ZNF560: variants seen among roughly 807,000 people sequenced by gnomAD.
ZNF560 encodes the protein zinc finger protein 560.
ZNF560 carries 54 observed loss-of-function variants against 81.8 expected under a neutral mutation model. The ratio of observed to expected loss-of-function variants is 0.66; its 90% CI spans 0.53 to 0.83. ZNF560 has a LOEUF of 0.83. Ranked by LOEUF, ZNF560 falls within the 40% of genes least tolerant of loss-of-function variation. The probability of loss-of-function intolerance (pLI) is 0.00; values close to 1 mark genes in which losing one functional copy is unlikely to be tolerated. For synonymous variants in ZNF560, 321 were observed against 317.9 expected, an observed-to-expected ratio of 1.01 and a Z score of -0.10; for missense variants, 940 against 932.4, an observed-to-expected ratio of 1.01 and a Z score of -0.11.
intron 8 of ZNF560, 127 bp from the exon 9 acceptor site, chr19:9,469,314 TAATTTTTA>T: frequency 4.3e-6 from 3 of 699,468 alleles, no homozygotes; most frequent in Non-Finnish European, 7.1e-6. Flanking sequence ...CAAGTTTTAG[TAATTTTTA>T]AAACAACTTA....
intron 2 of ZNF560, among the ~76,000 whole-genome samples, chr19:9,482,790 G>C (rs888894487): frequency 6.6e-5 from 10 of 152,096 alleles, no homozygotes; most frequent in African/African-American, 1.9e-4. Context: ...AGCCTGCCGA[G>C]TGCCTGCAAT....
chr19:9,449,974 CAAAAAA>C, the ZNF560 span, among the ~76,000 whole-genome samples: 861 of 43,366 alleles, frequency 0.02, 10 homozygotes, highest in African/African-American at 0.06. Flanking sequence ...AACTCTGTCT[CAAAAAA>C]AAAAAAAAAA....
downstream of ZNF560, among the ~76,000 whole-genome samples, chr19:9,466,065 G>A (rs539921941): frequency 6.6e-6 from 1 of 152,262 alleles, no homozygotes; most frequent in African/African-American, 2.4e-5. Flanking sequence ...TGAGAAGAAT[G>A]CCAGGTGCAG....
chr19:9,478,535 T>C (rs2073237104), intron 2 of ZNF560, among the ~76,000 whole-genome samples: 1 of 152,216 alleles, frequency 6.6e-6, no homozygotes, highest in Non-Finnish European at 1.5e-5. Context: ...AAATGAATTA[T>C]ATCCTTACGA....
At chr19:9,493,192 C>A (rs576310168) in intron 2 of ZNF560, among the ~76,000 whole-genome samples, 1 of 152,236 alleles carries the variant, frequency 6.6e-6, no homozygotes, top group South Asian at 2.1e-4. Context: ...GGACCAAGAT[C>A]CCTTCAGAAG....
the ZNF560 span, among the ~76,000 whole-genome samples, chr19:9,448,605 C>T: frequency 3.0e-4 from 45 of 152,014 alleles, no homozygotes; most frequent in East Asian, 1.9e-3. Flanking sequence ...AACCTAAGTA[C>T]GCAGCCCACA....
chr19:9,489,630 C>T (rs988870748), intron 2 of ZNF560, among the ~76,000 whole-genome samples: 2 of 151,802 alleles, frequency 1.3e-5, no homozygotes, highest in African/African-American at 2.4e-5. Context: ...AGACATGTCA[C>T]CCAGGCTGGA....
intron 2 of ZNF560, among the ~76,000 whole-genome samples, chr19:9,482,623 C>G (rs962026437): frequency 6.6e-6 from 1 of 151,606 alleles, no homozygotes; most frequent in African/African-American, 2.4e-5. Context: ...GACCCTTTCT[C>G]AAAAAGAAAA....
intron 6 of ZNF560, among the ~76,000 whole-genome samples, chr19:9,470,863 C>G (rs2073110327): frequency 6.6e-6 from 1 of 152,190 alleles, no homozygotes. Context: ...AGAACACTTT[C>G]ATACCCCTTA....
At chr19:9,478,939 T>C (rs1331307070) in intron 2 of ZNF560, among the ~76,000 whole-genome samples, 5 of 151,880 alleles carry the variant, frequency 3.3e-5, no homozygotes, top group African/African-American at 1.2e-4. Flanking sequence ...TGGAGGCAGG[T>C]GGATCACTTG....
At chr19:9,475,607 C>CT (rs34316228) in intron 2 of ZNF560, among the ~76,000 whole-genome samples, 14,284 of 139,866 alleles carry the variant, frequency 0.1, 843 homozygotes, top group South Asian at 0.2. Flanking sequence ...GGTAAAGAAA[C>CT]TTTTTTTTTT....
At chr19:9,481,987 C>A (rs967587838) in intron 2 of ZNF560, among the ~76,000 whole-genome samples, 1 of 152,124 alleles carries the variant, frequency 6.6e-6, no homozygotes, top group Non-Finnish European at 1.5e-5. Flanking sequence ...ATGTTTATTG[C>A]GGCACTATTC....
At chr19:9,499,910 TTC>T (rs1180481618), upstream of ZNF560, among the ~76,000 whole-genome samples, 2 of 152,206 alleles carry the variant, frequency 1.3e-5, no homozygotes, top group Non-Finnish European at 2.9e-5. Flanking sequence ...AAAACTAATT[TTC>T]ATCTCTTGAT....
chr19:9,468,726 T>C (rs934394921), intron 9 of ZNF560, among the ~76,000 whole-genome samples: 41 of 100,772 alleles, frequency 4.1e-4, no homozygotes, highest in African/African-American at 2.0e-3. Flanking sequence ...TGCTGATTTC[T>C]TTTTTTTTTT....
intron 9 of ZNF560, among the ~76,000 whole-genome samples, 187 bp downstream of exon 9, chr19:9,468,918 T>C (rs1349892717): frequency 2.0e-5 from 3 of 151,854 alleles, no homozygotes; most frequent in African/African-American, 2.4e-5. Context: ...TTAGTAGAGA[T>C]GGGGTTTCAC....
intron 4 of ZNF560, among the ~76,000 whole-genome samples, chr19:9,473,589 A>T (rs1299387230): frequency 6.6e-6 from 1 of 152,128 alleles, no homozygotes; most frequent in Non-Finnish European, 1.5e-5. Flanking sequence ...AAAAAAAAAA[A>T]AATAATGGAA....
chr19:9,447,265 A>G, the ZNF560 span, among the ~76,000 whole-genome samples: 1 of 152,298 alleles, frequency 6.6e-6, no homozygotes, highest in Non-Finnish European at 1.5e-5. Context: ...ACATTCTTCT[A>G]TATTTTAGCC....
At position 9,466,831 on chromosome 19, in the gene ZNF560, G is replaced by C. The variant is rs374358325; in HGVS notation, c.2116C>G (p.Leu706Val). 406 of 1,614,148 alleles carry C rather than the reference G, an allele frequency of 2.5e-4. 1 individual carries two copies. The highest frequency in any genetic ancestry group is 3.3e-4 in the Non-Finnish European group (393 of 1,180,028). The change falls in exon 10 of 10, where the codon CTC (leucine) becomes GTC (valine). Residue 706 changes from leucine to valine, a missense_variant. Leu to Val is a conservative substitution (Grantham distance 32). Transcript: ENST00000301480. ...CATTTATAGGGTTTTATTTTGGTGA[G>C]AGTTTTTAAGCGATCATGAAAGCAC... is the stretch of plus-strand genomic sequence containing the variant. ...SMCFHDRLKTLTKIKPYKCKD... is the reference protein window; with the variant it reads ...SMCFHDRLKTVTKIKPYKCKD...
Position 9,467,182 on chromosome 19 carries a change from T to C in ZNF560, c.1765A>G (p.Lys589Glu), listed in dbSNP as rs2073037241. ...TCTCCACTGTGTCTTCGTAAATGTTTAGTAAGGTATGAGCGCTCAGTGAAG... is the reference window on the plus strand; with the variant it reads ...TCTCCACTGTGTCTTCGTAAATGTTCAGTAAGGTATGAGCGCTCAGTGAAG... ...KAFTERSYLT[K>E]HLRRHSGEKP... Residue 589 changes from lysine to glutamate, a missense_variant, in exon 10 of 10, where the codon AAA (lysine) becomes GAA (glutamate). Lys to Glu is a moderately conservative substitution (Grantham distance 56). Transcript: ENST00000301480. 3 of 1,614,028 alleles carry C rather than the reference T, an allele frequency of 1.9e-6. No individual in the cohort carries two copies. The highest frequency in any genetic ancestry group is 2.5e-6 in the Non-Finnish European group (3 of 1,179,982).
Sources: gnomAD v4.1 joint callset for allele counts (sites outside exome capture counted in the v4.1 genomes callset) on GRCh38, gnomAD v4.1.1 for gene constraint, MANE v1.5 for transcripts, NCBI Gene and HGNC (gene_info 2026-07-23, HGNC 2026-07-21) for gene names.